PPP3CB: variants seen among roughly 807,000 people sequenced by gnomAD.
PPP3CB encodes serine/threonine-protein phosphatase 2B catalytic subunit beta isoform.
PPP3CB carries 8 observed loss-of-function variants against 66.4 expected under a neutral mutation model. The observed-to-expected ratio is 0.12, with a 90% CI of 0.07 to 0.22. The LOEUF (loss-of-function observed/expected upper bound fraction) is 0.22, where lower values mean the gene tolerates loss of function less well. Ranked by LOEUF, PPP3CB falls within the 10% of genes least tolerant of loss-of-function variation. The pLI is 1.00. For synonymous variants in PPP3CB, 208 were observed against 221.2 expected (o/e 0.94, Z 0.53); for missense variants, 319 against 642.5 (o/e 0.50, Z 5.44).
intron 4 of PPP3CB, among the ~76,000 whole-genome samples, chr10:73,472,257 G>A (rs1031611164): frequency 6.6e-6 from 1 of 152,176 alleles, no homozygotes. Flanking sequence ...CACTTTGACA[G>A]GCCAAAGCAG....
intron 1 of PPP3CB, among the ~76,000 whole-genome samples, chr10:73,483,890 T>A: frequency 6.6e-6 from 1 of 151,966 alleles, no homozygotes; most frequent in Non-Finnish European, 1.5e-5. Flanking sequence ...ATGTCTGCAG[T>A]CCCAGCACTT....
chr10:73,458,453 A>C (rs2056466231), intron 9 of PPP3CB, among the ~76,000 whole-genome samples: 1 of 152,008 alleles, frequency 6.6e-6, no homozygotes, highest in Admixed American at 6.6e-5. Context: ...TTTTTTAATA[A>C]AGAAAATTTT....
chr10:73,458,394 CCCAAAA>C (rs1212456257), intron 9 of PPP3CB, among the ~76,000 whole-genome samples: 1 of 151,994 alleles, frequency 6.6e-6, no homozygotes, highest in Non-Finnish European at 1.5e-5. Context: ...GCCCCGGCCT[CCCAAAA>C]TGCTGGGATT....
At chr10:73,491,665 T>A (rs2057079963) in intron 1 of PPP3CB, among the ~76,000 whole-genome samples, 1 of 151,910 alleles carries the variant, frequency 6.6e-6, no homozygotes, top group Admixed American at 6.6e-5. Flanking sequence ...GCTATATGGG[T>A]TATCTGAAAA....
chr10:73,446,635 T>C lies in PPP3CB; in HGVS notation c.1187-62A>G, dbSNP rs1589685028. ...GTTTAGGGCATGCATGCTTACAATA[T>C]TCTATTAGCCTGTTCCACACTCATC... On this transcript the variant is annotated intron_variant, in intron 10 of 13. Transcript: ENST00000360663. 1.3e-5 allele frequency: 19 copies of C among 1,462,390 alleles called. No homozygotes were observed. The East Asian group carries it at 4.1e-4, about 31-fold the overall frequency. 90.6% of individuals were successfully genotyped at this position (1,462,390 alleles called of 1,614,324 possible).
chr10:73,440,661 A>G (rs532424764), intron 12 of PPP3CB, among the ~76,000 whole-genome samples: 1 of 152,328 alleles, frequency 6.6e-6, no homozygotes, highest in Admixed American at 6.5e-5. Context: ...ATACTGACAG[A>G]GTTTATCATG....
intron 12 of PPP3CB, among the ~76,000 whole-genome samples, chr10:73,441,938 A>G (rs988805545): frequency 6.6e-6 from 1 of 152,232 alleles, no homozygotes; most frequent in Non-Finnish European, 1.5e-5. Context: ...AGGTCTTAGA[A>G]TTAAAATTTT....
At chr10:73,492,991 G>A (rs886884476) in intron 1 of PPP3CB, among the ~76,000 whole-genome samples, 1 of 151,960 alleles carries the variant, frequency 6.6e-6, no homozygotes, top group Non-Finnish European at 1.5e-5. Flanking sequence ...TTCCAGGGAG[G>A]CAGGCCGGGC....
At chr10:73,439,805 C>T in intron 13 of PPP3CB, 67 bp downstream of exon 13, 2 of 1,532,746 alleles carry the variant, frequency 1.3e-6, no homozygotes, top group Admixed American at 1.7e-5. Context: ...AACACACCCA[C>T]AGGACATTCT....
At chr10:73,463,935 T>C (rs575411977) in intron 9 of PPP3CB, among the ~76,000 whole-genome samples, 30 of 144,950 alleles carry the variant, frequency 2.1e-4, no homozygotes, top group Admixed American at 1.5e-3. Flanking sequence ...GCGCCCGGCC[T>C]CTCCTCTTTT....
intron 12 of PPP3CB, among the ~76,000 whole-genome samples, chr10:73,442,492 C>A (rs1314233928): frequency 6.6e-6 from 1 of 152,114 alleles, no homozygotes; most frequent in Non-Finnish European, 1.5e-5. Context: ...AAGTATGATA[C>A]CCTTTTGGTT....
At chr10:73,450,173 CA>C (rs1182794572) in intron 10 of PPP3CB, among the ~76,000 whole-genome samples, 1 of 152,162 alleles carries the variant, frequency 6.6e-6, no homozygotes, top group Non-Finnish European at 1.5e-5. Context: ...TCTCTTTCCC[CA>C]AAGAAAAACT....
At chr10:73,495,655 C>G in intron 1 of PPP3CB, 150 bp downstream of exon 1, 1 of 1,226,256 alleles carries the variant, frequency 8.2e-7, no homozygotes, top group Non-Finnish European at 1.1e-6. Flanking sequence ...CCCTGCCCAG[C>G]AGGGGCCCGC....
chr10:73,494,976 C>A lies in PPP3CB; in HGVS notation c.85+829G>T, dbSNP rs548509847. Among the ~76,000 whole-genome samples, 7 of 152,282 alleles carry A rather than the reference C, an allele frequency of 4.6e-5. No homozygotes were observed. In the East Asian group the frequency reaches 1.4e-3, roughly 29 times the overall value. On this transcript the variant is annotated intron_variant, in intron 1 of 13. Coordinates refer to ENST00000360663, the MANE Select transcript of PPP3CB (RefSeq NM_021132.4). Reference sequence around the variant, plus strand: ...AACTCTCAATTAGCCCTCAATTTCTCTATTTTAAATTAATCTGCTGACCTG... The same window carrying A: ...AACTCTCAATTAGCCCTCAATTTCTATATTTTAAATTAATCTGCTGACCTG...
At chr10:73,488,317 G>A (rs1352636036) in intron 1 of PPP3CB, among the ~76,000 whole-genome samples, 2 of 152,124 alleles carry the variant, frequency 1.3e-5, no homozygotes, top group African/African-American at 4.8e-5. Flanking sequence ...GGCCAAGGCA[G>A]GACAGTCACT....
intron 10 of PPP3CB, among the ~76,000 whole-genome samples, chr10:73,447,944 T>C (rs778095356): frequency 1.3e-5 from 2 of 150,214 alleles, no homozygotes; most frequent in Non-Finnish European, 1.5e-5. Context: ...ATAAGAATCA[T>C]AGAATATTAG....
At chr10:73,455,850 G>A (rs1410203703) in intron 9 of PPP3CB, among the ~76,000 whole-genome samples, 3 of 152,152 alleles carry the variant, frequency 2.0e-5, no homozygotes, top group Admixed American at 6.5e-5. Context: ...GATTACAGGC[G>A]TGAGCCACCG....
rs928566802 is a variant in PPP3CB at position 73,495,947 on chromosome 10, G to A, written c.-58C>T. 4.7e-6 allele frequency: 5 copies of A among 1,064,354 alleles called. No homozygotes were observed. Among genetic ancestry groups the A allele is most frequent in the Non-Finnish European group, 4.8e-6 (4 of 839,264 alleles). 65.9% of individuals were successfully genotyped at this position (1,064,354 alleles called of 1,614,324 possible). A position where few individuals can be genotyped will look rare whatever the true frequency, so the allele number is the denominator to read the frequency against. On this transcript the variant is annotated 5_prime_UTR_variant, in exon 1 of 14. Transcript: ENST00000360663. Reference sequence around the variant, plus strand: ...GGGCGGGGTTGGGGGCGGGGGCGGCGGCTACCAGAGCCAAGCGGCGGCGCC... The same window carrying A: ...GGGCGGGGTTGGGGGCGGGGGCGGCAGCTACCAGAGCCAAGCGGCGGCGCC...
intron 12 of PPP3CB, among the ~76,000 whole-genome samples, chr10:73,443,254 G>C (rs535588454): frequency 2.4e-5 from 3 of 122,484 alleles, no homozygotes; most frequent in African/African-American, 3.5e-5. Context: ...GAGAGAAAGA[G>C]AGAGAGAGAG....
Sources: gnomAD v4.1 joint callset for allele counts (sites outside exome capture counted in the v4.1 genomes callset) on GRCh38, gnomAD v4.1.1 for gene constraint, MANE v1.5 for transcripts, NCBI Gene and HGNC (gene_info 2026-07-23, HGNC 2026-07-21) for gene names.